The following HDAC9 variants were observed in gnomAD, a reference collection of about 807,000 sequenced individuals.
HDAC9 encodes histone deacetylase 9.
A neutral mutation model predicts 139.4 loss-of-function variants in HDAC9; 41 were observed. The observed-to-expected ratio is 0.29, with a 90% CI of 0.23 to 0.38. The LOEUF is 0.38. Among genes scored for constraint, HDAC9 ranks in the 10% least tolerant of loss-of-function variants. The pLI is 1.00. For synonymous variants in HDAC9, 517 were observed against 476.2 expected (o/e 1.09, Z -1.12); for missense variants, 1,147 against 1,297.0 (o/e 0.88, Z 1.78).
At chr7:18,302,366 A>G (rs112507117) in intron 1 of HDAC9, among the ~76,000 whole-genome samples, 4,039 of 152,294 alleles carry the variant, frequency 0.027, 178 homozygotes, top group African/African-American at 0.092. Context: ...GAAGTATGCA[A>G]TGTTATCCTT....
At position 18,574,695 on chromosome 7, in the gene HDAC9, A is replaced by G. The variant is rs374252646; in HGVS notation, c.23-10586A>G. 4.6e-5 allele frequency among the ~76,000 whole-genome samples: 7 copies of G among 152,208 alleles called. No homozygotes were observed. In the East Asian group the frequency reaches 5.8e-4, roughly 13 times the overall value. ...TCATGCTCTTTGGTGCCCAAGTCCA[A>G]AGGAGGCCAAGACGACAGGGGGCTG... On this transcript the variant is annotated intron_variant, in intron 2 of 25. Coordinates refer to ENST00000686413, the MANE Select transcript of HDAC9 (RefSeq NM_178425.4).
intron 22 of HDAC9, among the ~76,000 whole-genome samples, chr7:18,924,749 A>G (rs1804064614): frequency 6.6e-6 from 1 of 152,102 alleles, no homozygotes; most frequent in Non-Finnish European, 1.5e-5. Flanking sequence ...TTGTTTTTTT[A>G]AAGACCAGAT....
intron 24 of HDAC9, among the ~76,000 whole-genome samples, chr7:18,972,570 G>C (rs774356114): frequency 6.6e-6 from 1 of 151,716 alleles, no homozygotes; most frequent in African/African-American, 2.4e-5. Flanking sequence ...CAGTAGAGAC[G>C]GGATTTCACC....
chr7:18,681,013 A>G (rs546837921), intron 12 of HDAC9, among the ~76,000 whole-genome samples: 133 of 152,186 alleles, frequency 8.7e-4, no homozygotes, highest in African/African-American at 3.1e-3. Context: ...GGCTTAATAC[A>G]GGATTGAGAT....
intron 11 of HDAC9, among the ~76,000 whole-genome samples, chr7:18,665,090 C>T (rs1794447702): frequency 6.6e-6 from 1 of 152,086 alleles, no homozygotes. Flanking sequence ...AGTCTGAGTA[C>T]TTAAGTATTC....
intron 22 of HDAC9, among the ~76,000 whole-genome samples, chr7:18,888,228 T>C (rs1450791796): frequency 6.6e-6 from 1 of 152,126 alleles, no homozygotes; most frequent in Non-Finnish European, 1.5e-5. Context: ...GAGACCATCC[T>C]GGCTAACACG....
chr7:18,857,495 C>T (rs532539404), intron 21 of HDAC9, among the ~76,000 whole-genome samples: 2 of 152,076 alleles, frequency 1.3e-5, no homozygotes, highest in South Asian at 4.1e-4. Context: ...CTCTGTTCTC[C>T]AGAATAATTA....
At chr7:18,151,748 A>G (rs1472479800) in intron 1 of HDAC9, 3 of 152,222 alleles carry the variant, frequency 2.0e-5, no homozygotes, top group African/African-American at 4.8e-5. Context: ...ACATACAACA[A>G]ACTATCATCA....
intron 1 of HDAC9, among the ~76,000 whole-genome samples, chr7:18,304,696 C>T (rs187651177): frequency 6.3e-4 from 96 of 152,302 alleles, no homozygotes; most frequent in African/African-American, 2.3e-3. Flanking sequence ...ATATTCTACA[C>T]TGTTGATATT....
intron 24 of HDAC9, among the ~76,000 whole-genome samples, chr7:18,968,107 A>G (rs1426727818): frequency 6.6e-6 from 1 of 152,172 alleles, no homozygotes; most frequent in East Asian, 1.9e-4. Context: ...GGATGCAGAG[A>G]GCCGAGATCG....
chr7:18,990,361 T>G (rs561082627), intron 25 of HDAC9, among the ~76,000 whole-genome samples: 35 of 152,310 alleles, frequency 2.3e-4, no homozygotes, highest in African/African-American at 6.3e-4. Flanking sequence ...AGGCTGCTCG[T>G]GGGTCAGGGG....
chr7:18,595,426 G>C (rs542195334), intron 6 of HDAC9, among the ~76,000 whole-genome samples: 6 of 151,990 alleles, frequency 3.9e-5, no homozygotes, highest in Non-Finnish European at 8.8e-5. Context: ...CATGAGTATA[G>C]TTTATGAAAA....
intron 1 of HDAC9, among the ~76,000 whole-genome samples, chr7:18,477,388 T>G (rs1403880453): frequency 6.6e-6 from 1 of 152,056 alleles, no homozygotes; most frequent in Non-Finnish European, 1.5e-5. Context: ...TGATCAGTTA[T>G]GTGTGCGTGC....
At chr7:18,868,343 C>T (rs1296912484) in intron 21 of HDAC9, among the ~76,000 whole-genome samples, 2 of 152,134 alleles carry the variant, frequency 1.3e-5, no homozygotes, top group Non-Finnish European at 2.9e-5. Flanking sequence ...GTGTTAGAGT[C>T]CCAGTATCTA....
intron 22 of HDAC9, among the ~76,000 whole-genome samples, chr7:18,883,649 G>A (rs902634923): frequency 5.3e-5 from 8 of 151,824 alleles, no homozygotes; most frequent in East Asian, 1.9e-4. Flanking sequence ...GCTCACTCTC[G>A]CCACTTCTAT....
At chr7:18,274,818 A>C (rs922785521) in intron 2 of HDAC9, among the ~76,000 whole-genome samples, 3 of 152,218 alleles carry the variant, frequency 2.0e-5, no homozygotes, top group African/African-American at 7.2e-5. Context: ...ACACTGCTAT[A>C]TATTCTTTAA....
At chr7:18,612,606 G>A (rs1023831011) in intron 6 of HDAC9, among the ~76,000 whole-genome samples, 5 of 151,984 alleles carry the variant, frequency 3.3e-5, no homozygotes, top group Admixed American at 1.3e-4. Context: ...TCTGTGATAC[G>A]GAAGGCAGGA....
intron 21 of HDAC9, among the ~76,000 whole-genome samples, chr7:18,853,359 A>C (rs1562990851): frequency 6.6e-6 from 1 of 152,112 alleles, no homozygotes; most frequent in East Asian, 1.9e-4. Context: ...TAGGAAAAAA[A>C]AATGAGTTTG....
chr7:18,939,738 AT>A (rs1353946768), intron 23 of HDAC9, among the ~76,000 whole-genome samples: 1 of 152,200 alleles, frequency 6.6e-6, no homozygotes, highest in Admixed American at 6.5e-5. Context: ...TGTCTTTCAG[AT>A]TGCGATTTCA....
Sources: allele counts gnomAD v4.1 joint callset (sites outside exome capture counted in the v4.1 genomes callset), GRCh38; gene constraint gnomAD v4.1.1; transcripts MANE v1.5; gene names NCBI Gene and HGNC (gene_info 2026-07-23, HGNC 2026-07-21).